SDK1: variants seen among roughly 807,000 people sequenced by gnomAD.
The protein encoded by SDK1 is sidekick cell adhesion molecule 1, also known as protein sidekick-1.
Under a neutral mutation model 245.5 loss-of-function variants are expected in SDK1, and 157 were observed. The ratio of observed to expected loss-of-function variants is 0.64; its 90% CI spans 0.56 to 0.73. The LOEUF is 0.73. Ranked by LOEUF, SDK1 falls within the 30% of genes least tolerant of loss-of-function variation. The pLI, the probability that SDK1 is intolerant of heterozygous loss-of-function variation, is 0.00. For missense variants in SDK1, 3,583 were observed against 3,002.3 expected (o/e 1.19, Z -4.52); for synonymous variants, 1,647 against 1,278.5 (o/e 1.29, Z -6.15).
At chr7:3,858,292 C>G (rs953567742) in intron 5 of SDK1, among the ~76,000 whole-genome samples, 10 of 152,046 alleles carry the variant, frequency 6.6e-5, no homozygotes, top group African/African-American at 2.4e-4. Flanking sequence ...TGGCACATGC[C>G]TGTAATCCCA....
In SDK1 at chr7:4,268,815, C is replaced by T; in HGVS notation, c.*3431C>T. ...CATGAGCTGAGCCTGCCCGCTGGGA[C>T]ACGTCTCCTTCCCGCGTCACCTTCT... On this transcript the variant is annotated 3_prime_UTR_variant, in exon 45 of 45. Coordinates refer to ENST00000404826, the MANE Select transcript of SDK1 (RefSeq NM_152744.4). The T allele has an allele frequency of 8.4e-7, 1 of 1,186,868 alleles. No individual in the cohort carries two copies. Among genetic ancestry groups the T allele is most frequent in the Non-Finnish European group, 1.2e-6 (1 of 857,822 alleles). The allele number at this position is 1,186,868 out of a possible 1,614,324, so 73.5% of individuals were successfully genotyped here.
chr7:4,057,058 G>T (rs1779249865), intron 19 of SDK1, among the ~76,000 whole-genome samples: 1 of 152,118 alleles, frequency 6.6e-6, no homozygotes, highest in Non-Finnish European at 1.5e-5. Context: ...TTCGCTTCCA[G>T]GCACCCTGAG....
chr7:3,983,482 A>G (rs1583723303), intron 13 of SDK1, among the ~76,000 whole-genome samples: 1 of 126,372 alleles, frequency 7.9e-6, no homozygotes, highest in African/African-American at 2.7e-5. Context: ...CACCTTTTTT[A>G]GCATGAAGTA....
intron 1 of SDK1, among the ~76,000 whole-genome samples, chr7:3,558,804 A>T (rs1779665207): frequency 1.3e-5 from 2 of 152,224 alleles, no homozygotes; most frequent in Non-Finnish European, 2.9e-5. Flanking sequence ...TGCTAATGAC[A>T]AGGCAGTCTA....
intron 1 of SDK1, among the ~76,000 whole-genome samples, chr7:3,522,474 T>C (rs531660625): frequency 2.8e-4 from 42 of 152,294 alleles, no homozygotes; most frequent in African/African-American, 9.4e-4. Context: ...CTCACGTACA[T>C]GGCATAAAAT....
intron 4 of SDK1, among the ~76,000 whole-genome samples, chr7:3,753,390 AAG>A (rs1384300327): frequency 6.6e-6 from 1 of 152,220 alleles, no homozygotes; most frequent in Non-Finnish European, 1.5e-5. Context: ...TCCTAAACTG[AAG>A]AGACATTGCC....
chr7:4,225,470 C>T (rs557646398), intron 40 of SDK1, among the ~76,000 whole-genome samples: 4 of 152,134 alleles, frequency 2.6e-5, no homozygotes, highest in Admixed American at 2.6e-4. Context: ...AGCCTCTTAA[C>T]GCTGTGAACA....
intron 1 of SDK1, among the ~76,000 whole-genome samples, chr7:3,431,112 G>T (rs1779833276): frequency 6.6e-6 from 1 of 152,034 alleles, no homozygotes; most frequent in Non-Finnish European, 1.5e-5. Flanking sequence ...TGTTGGCCAG[G>T]TTGGTCTCAA....
intron 20 of SDK1, among the ~76,000 whole-genome samples, chr7:4,071,766 C>T (rs1248789923): frequency 6.6e-6 from 1 of 152,232 alleles, no homozygotes; most frequent in Non-Finnish European, 1.5e-5. Flanking sequence ...CTGCTTACCA[C>T]TGATCCCAGA....
chr7:3,838,236 C>T (rs547226171), intron 5 of SDK1, among the ~76,000 whole-genome samples: 14 of 152,312 alleles, frequency 9.2e-5, no homozygotes, highest in South Asian at 6.2e-4. Context: ...CAGTTATGCC[C>T]GGTGCCAGGC....
At chr7:3,672,518 T>G (rs1783734049) in intron 4 of SDK1, among the ~76,000 whole-genome samples, 1 of 148,000 alleles carries the variant, frequency 6.8e-6, no homozygotes, top group African/African-American at 2.5e-5. Context: ...AGTACCTAAA[T>G]AAGTCCAAAA....
chr7:3,310,486 C>G (rs1295937977), intron 1 of SDK1, among the ~76,000 whole-genome samples: 1 of 152,076 alleles, frequency 6.6e-6, no homozygotes, highest in Non-Finnish European at 1.5e-5. Flanking sequence ...GCAAAAAATA[C>G]ATGGGATTTG....
intron 5 of SDK1, among the ~76,000 whole-genome samples, chr7:3,920,394 G>T (rs1026333862): frequency 2.6e-5 from 4 of 152,112 alleles, no homozygotes; most frequent in Non-Finnish European, 5.9e-5. Context: ...GGGAGTCTGG[G>T]GGGAAGGTCA....
rs571399233 is a variant in SDK1 at position 4,266,096 on chromosome 7, C to A, written c.*712C>A. ...TTCCCCCTTCCTTCTCACCTGACAG[C>A]GAGGGAGAGGGAAGCCTCTTAGGGC... On this transcript the variant is annotated 3_prime_UTR_variant, in exon 45 of 45. Coordinates refer to ENST00000404826, the MANE Select transcript of SDK1 (RefSeq NM_152744.4). 1 of 985,420 alleles carries A rather than the reference C, an allele frequency of 1.0e-6. No individual in the cohort carries two copies. Among genetic ancestry groups the A allele is most frequent in the Non-Finnish European group, 1.2e-6 (1 of 829,944 alleles). 61.0% of individuals were successfully genotyped at this position (985,420 alleles called of 1,614,324 possible).
chr7:4,140,575 G>GC lies in SDK1; in HGVS notation c.4229-5147_4229-5146insC, dbSNP rs200663932. 3.0e-3 allele frequency among the ~76,000 whole-genome samples: 458 copies of GC among 152,110 alleles called. 2 individuals carry two copies. Among genetic ancestry groups the GC allele is most frequent in the African/African-American group, 0.01 (425 of 41,488 alleles). On this transcript the variant is annotated intron_variant, in intron 28 of 44. Transcript: ENST00000404826. ...CAGAATCCCATCATACTGCAGCAGG[G>GC]GGGAGCTGAGGCCAACAGCAGGGTA... is the stretch of plus-strand genomic sequence containing the variant.
chr7:3,999,290 C>A (rs578000909), intron 14 of SDK1, among the ~76,000 whole-genome samples: 1 of 152,314 alleles, frequency 6.6e-6, no homozygotes, highest in South Asian at 2.1e-4. Context: ...AATTGCGCAT[C>A]CACTCCCTCC....
chr7:3,389,734 C>T (rs1781699360), intron 1 of SDK1, among the ~76,000 whole-genome samples: 1 of 140,246 alleles, frequency 7.1e-6, no homozygotes, highest in Non-Finnish European at 1.5e-5. Context: ...CACTGCACTC[C>T]ACAGCCTGGG....
At chr7:3,469,724 C>T (rs887901833) in intron 1 of SDK1, among the ~76,000 whole-genome samples, 1 of 152,102 alleles carries the variant, frequency 6.6e-6, no homozygotes, top group Non-Finnish European at 1.5e-5. Context: ...CCTTCCTAGC[C>T]ATTGACAGAA....
chr7:3,325,882 A>G (rs1779928133), intron 1 of SDK1, among the ~76,000 whole-genome samples: 1 of 151,044 alleles, frequency 6.6e-6, no homozygotes, highest in East Asian at 1.9e-4. Context: ...AGAAACCATG[A>G]CTAGGCTGCC....
Sources: allele counts gnomAD v4.1 joint callset (sites outside exome capture counted in the v4.1 genomes callset), GRCh38; gene constraint gnomAD v4.1.1; transcripts MANE v1.5; gene names NCBI Gene and HGNC (gene_info 2026-07-23, HGNC 2026-07-21).